The following SLC24A3 variants were observed in gnomAD, a reference collection of about 807,000 sequenced individuals.
SLC24A3 encodes sodium/potassium/calcium exchanger 3.
In SLC24A3, 28 loss-of-function variants were observed where a neutral mutation model predicts 75.8. The observed-to-expected ratio is 0.37, with a 90% CI of 0.27 to 0.51. SLC24A3 has a LOEUF of 0.51. SLC24A3 is among the 20% of genes least tolerant of loss of function. SLC24A3 has a pLI of 0.94. For synonymous variants in SLC24A3, 372 were observed against 334.1 expected (o/e 1.11, Z -1.24); for missense variants, 663 against 847.8 (o/e 0.78, Z 2.71).
At chr20:19,353,090 C>A (rs1985606108) in intron 2 of SLC24A3, among the ~76,000 whole-genome samples, 1 of 152,212 alleles carries the variant, frequency 6.6e-6, no homozygotes, top group South Asian at 2.1e-4. Context: ...GGCTATACCT[C>A]ATAGCCTAGG....
intron 9 of SLC24A3, among the ~76,000 whole-genome samples, chr20:19,677,439 C>T (rs2032537789): frequency 6.6e-6 from 1 of 152,094 alleles, no homozygotes; most frequent in South Asian, 2.1e-4. Context: ...AGTGTGGAGG[C>T]CTTTTCACTA....
At position 19,698,472 on chromosome 20, in the gene SLC24A3, A is replaced by T. The variant is rs1032216050; in HGVS notation, c.1607-96A>T. The T allele has an allele frequency of 3.9e-6, 3 of 778,290 alleles. No individual in the cohort carries two copies. In the African/African-American group the frequency reaches 5.2e-5, roughly 13 times the overall value. 48.2% of individuals were successfully genotyped at this position (778,290 alleles called of 1,614,324 possible). On this transcript the variant is annotated intron_variant, in intron 14 of 16. Transcript: ENST00000328041. ...GAGAAGCACATATGTGAGCTTGCAG[A>T]ACCACTCTCTGGCTGTGAGACTAAA...
At chr20:19,221,360 C>G (rs77706773) in intron 1 of SLC24A3, among the ~76,000 whole-genome samples, 12,138 of 152,268 alleles carry the variant, frequency 0.08, 564 homozygotes, top group Middle Eastern at 0.13. Context: ...CTGTCATCTT[C>G]CCATTGCCCT....
chr20:19,547,587 ACAGGTGACTGCGTT>A (rs1448634981), intron 3 of SLC24A3, among the ~76,000 whole-genome samples: 3 of 152,250 alleles, frequency 2.0e-5, no homozygotes, highest in African/African-American at 7.2e-5. Flanking sequence ...GCCGGATCTC[ACAGGTGACTGCGTT>A]CACTCGGCTG....
chr20:19,430,073 A>T (rs1357811460), intron 2 of SLC24A3, among the ~76,000 whole-genome samples: 2 of 152,084 alleles, frequency 1.3e-5, no homozygotes, highest in Non-Finnish European at 2.9e-5. Context: ...GGAAGGAAGG[A>T]GGAAGGGATT....
At chr20:19,631,058 T>C (rs2031926793) in intron 6 of SLC24A3, among the ~76,000 whole-genome samples, 2 of 152,128 alleles carry the variant, frequency 1.3e-5, no homozygotes, top group African/African-American at 4.8e-5. Context: ...ATGAAAGTAT[T>C]GTGTGTTGGG....
chr20:19,605,327 GA>G (rs2031583027), intron 6 of SLC24A3, among the ~76,000 whole-genome samples: 1 of 104,634 alleles, frequency 9.6e-6, no homozygotes, highest in Non-Finnish European at 2.4e-5. Flanking sequence ...TTTCTCCTGT[GA>G]TTTTTTTTTT....
chr20:19,234,049 G>T (rs949989437), intron 1 of SLC24A3, among the ~76,000 whole-genome samples: 1 of 152,092 alleles, frequency 6.6e-6, no homozygotes, highest in African/African-American at 2.4e-5. Context: ...ATCATTATTC[G>T]TTCTTATTTC....
At chr20:19,449,720 G>A (rs1182767446) in intron 2 of SLC24A3, among the ~76,000 whole-genome samples, 1 of 152,200 alleles carries the variant, frequency 6.6e-6, no homozygotes, top group Non-Finnish European at 1.5e-5. Flanking sequence ...ATGCCTTGGA[G>A]CTTTAGGGGA....
chr20:19,571,195 T>C (rs181828634), intron 3 of SLC24A3, among the ~76,000 whole-genome samples: 184 of 152,204 alleles, frequency 1.2e-3, no homozygotes, highest in Non-Finnish European at 2.0e-3. Flanking sequence ...TGAGGTCCAT[T>C]GTCCCCTACT....
chr20:19,720,597 G>A (rs972250971), intron 16 of SLC24A3, among the ~76,000 whole-genome samples: 6 of 152,074 alleles, frequency 3.9e-5, no homozygotes, highest in Non-Finnish European at 7.4e-5. Flanking sequence ...AGCCGCCACC[G>A]CCTGAGGACT....
chr20:19,338,690 G>A (rs189542384), intron 2 of SLC24A3, among the ~76,000 whole-genome samples: 1 of 152,178 alleles, frequency 6.6e-6, no homozygotes, highest in Admixed American at 6.5e-5. Context: ...ATGCAGATGT[G>A]ACCTTGGGCA....
chr20:19,663,147 C>T (rs556430217), intron 7 of SLC24A3, among the ~76,000 whole-genome samples: 2 of 152,120 alleles, frequency 1.3e-5, no homozygotes, highest in South Asian at 4.2e-4. Context: ...TAGCTCACTG[C>T]AGCCTCAAAC....
At chr20:19,698,882 C>A (rs922797740) in intron 15 of SLC24A3, among the ~76,000 whole-genome samples, 2 of 152,098 alleles carry the variant, frequency 1.3e-5, no homozygotes, top group African/African-American at 4.8e-5. Context: ...GGCCAGCAAA[C>A]TTTTTCTGTC....
intron 10 of SLC24A3, among the ~76,000 whole-genome samples, chr20:19,683,842 G>T (rs2032641875): frequency 6.6e-6 from 1 of 152,208 alleles, no homozygotes; most frequent in African/African-American, 2.4e-5. Flanking sequence ...CCCATGGAAA[G>T]GAGATTTTGA....
intron 3 of SLC24A3, among the ~76,000 whole-genome samples, chr20:19,541,163 C>T (rs1380047477): frequency 1.3e-5 from 2 of 152,160 alleles, no homozygotes; most frequent in East Asian, 3.9e-4. Flanking sequence ...GCAAGATGTA[C>T]CTTTCAGGAT....
At chr20:19,345,541 AAAG>A (rs1419938216) in intron 2 of SLC24A3, among the ~76,000 whole-genome samples, 1 of 152,130 alleles carries the variant, frequency 6.6e-6, no homozygotes, top group East Asian at 1.9e-4. Context: ...GGTATTGGTA[AAAG>A]AAGGACTAAT....
At chr20:19,347,341 A>G (rs1490902026) in intron 2 of SLC24A3, among the ~76,000 whole-genome samples, 3 of 152,216 alleles carry the variant, frequency 2.0e-5, no homozygotes, top group Non-Finnish European at 2.9e-5. Flanking sequence ...AAAATGTAGA[A>G]CATCAAAGGC....
At chr20:19,437,676 G>A (rs1422091684) in intron 2 of SLC24A3, among the ~76,000 whole-genome samples, 1 of 152,182 alleles carries the variant, frequency 6.6e-6, no homozygotes, top group Non-Finnish European at 1.5e-5. Flanking sequence ...GAGCATCTGG[G>A]TTTCCACAGC....
Sources: gnomAD v4.1 joint callset for allele counts (sites outside exome capture counted in the v4.1 genomes callset) on GRCh38, gnomAD v4.1.1 for gene constraint, MANE v1.5 for transcripts, NCBI Gene and HGNC (gene_info 2026-07-23, HGNC 2026-07-21) for gene names.